ZNF804B: variants seen among roughly 807,000 people sequenced by gnomAD.
The protein encoded by ZNF804B is zinc finger protein 804B, also known as zinc finger 804B.
Under a neutral mutation model 101.4 loss-of-function variants are expected in ZNF804B, and 80 were observed. The ratio of observed to expected loss-of-function variants is 0.79; its 90% CI spans 0.66 to 0.95. ZNF804B has a LOEUF of 0.95. ZNF804B is among the 40% of genes least tolerant of loss of function. ZNF804B has a pLI of 0.00. For missense variants in ZNF804B, 1,673 were observed against 1,561.9 expected (o/e 1.07, Z -1.20); for synonymous variants, 622 against 558.8 (o/e 1.11, Z -1.59).
chr7:89,074,142 G>A (rs2116302198), intron 1 of ZNF804B, among the ~76,000 whole-genome samples: 1 of 152,296 alleles, frequency 6.6e-6, no homozygotes, highest in Admixed American at 6.5e-5. Context: ...ACCTCCTGGA[G>A]TGTTCATTTA....
chr7:88,847,535 C>T (rs187860583), intron 1 of ZNF804B, among the ~76,000 whole-genome samples: 1 of 151,954 alleles, frequency 6.6e-6, no homozygotes, highest in Admixed American at 6.6e-5. Flanking sequence ...CAGGTTTGAT[C>T]AGGAGAATCA....
chr7:88,786,353 C>A (rs1306171917), intron 1 of ZNF804B, among the ~76,000 whole-genome samples: 1 of 151,990 alleles, frequency 6.6e-6, no homozygotes, highest in Non-Finnish European at 1.5e-5. Context: ...ATATAATGGG[C>A]AATCAATAAA....
At chr7:89,239,145 A>T (rs1322918014) in intron 2 of ZNF804B, among the ~76,000 whole-genome samples, 14 of 152,126 alleles carry the variant, frequency 9.2e-5, no homozygotes, top group Admixed American at 9.2e-4. Flanking sequence ...ATCTTATAAG[A>T]GTGAGTACAA....
intron 1 of ZNF804B, among the ~76,000 whole-genome samples, chr7:89,020,434 G>A (rs1788648757): frequency 1.3e-5 from 2 of 152,078 alleles, no homozygotes; most frequent in Admixed American, 6.5e-5. Context: ...ATCTGTTAGT[G>A]TAATGGGGAT....
At chr7:89,131,134 T>G (rs1790540553) in intron 1 of ZNF804B, among the ~76,000 whole-genome samples, 1 of 152,020 alleles carries the variant, frequency 6.6e-6, no homozygotes, top group Admixed American at 6.6e-5. Context: ...AGATCTTTGA[T>G]TTGTGGGAAC....
At chr7:89,303,670 T>C (rs1449183686) in intron 2 of ZNF804B, among the ~76,000 whole-genome samples, 1 of 151,912 alleles carries the variant, frequency 6.6e-6, no homozygotes, top group Non-Finnish European at 1.5e-5. Flanking sequence ...TGGCATTATA[T>C]CTGACATGTG....
chr7:89,047,052 T>C (rs145692214), intron 1 of ZNF804B, among the ~76,000 whole-genome samples: 54 of 152,266 alleles, frequency 3.5e-4, no homozygotes, highest in African/African-American at 1.3e-3. Flanking sequence ...GCTGAATTTA[T>C]CCTTTGAGGG....
At chr7:89,309,486 G>T (rs908963565) in intron 2 of ZNF804B, among the ~76,000 whole-genome samples, 1 of 151,990 alleles carries the variant, frequency 6.6e-6, no homozygotes, top group African/African-American at 2.4e-5. Flanking sequence ...CAGAGGCCAG[G>T]CATGGTGGCT....
intron 1 of ZNF804B, among the ~76,000 whole-genome samples, chr7:88,877,508 T>G (rs1392806793): frequency 6.6e-6 from 1 of 152,142 alleles, no homozygotes; most frequent in Non-Finnish European, 1.5e-5. Flanking sequence ...AAATGGATAT[T>G]AAGGGAGTGT....
At chr7:89,027,312 G>A (rs1788766130) in intron 1 of ZNF804B, among the ~76,000 whole-genome samples, 1 of 152,090 alleles carries the variant, frequency 6.6e-6, no homozygotes, top group Non-Finnish European at 1.5e-5. Context: ...AGTCCTTAAA[G>A]CTAGCTCTCT....
chr7:88,790,176 G>T, intron 1 of ZNF804B, among the ~76,000 whole-genome samples: 1 of 151,990 alleles, frequency 6.6e-6, no homozygotes, highest in Non-Finnish European at 1.5e-5. Flanking sequence ...AATATTATAT[G>T]TTCACACTGT....
intron 1 of ZNF804B, among the ~76,000 whole-genome samples, chr7:88,912,090 A>G (rs886717521): frequency 2.8e-4 from 43 of 152,106 alleles, no homozygotes; most frequent in African/African-American, 9.1e-4. Flanking sequence ...TGTATAAGCA[A>G]CCACAAAAAC....
chr7:89,240,716 C>T lies in ZNF804B; in HGVS notation c.249+22421C>T, dbSNP rs180715471. ...TATCTTCATCTTCCTTGGCTCTCTA[C>T]ACTGAGTATAAATACTAGACCATAG... On this transcript the variant is annotated intron_variant, in intron 2 of 3. Coordinates refer to ENST00000333190, the MANE Select transcript of ZNF804B (RefSeq NM_181646.5). 1.9e-3 allele frequency among the ~76,000 whole-genome samples: 282 copies of T among 152,090 alleles called. 1 individual carries two copies. The highest frequency in any genetic ancestry group is 6.5e-3 in the African/African-American group (271 of 41,492).
chr7:89,256,373 G>A (rs1186632368), intron 2 of ZNF804B, among the ~76,000 whole-genome samples: 1 of 152,048 alleles, frequency 6.6e-6, no homozygotes, highest in Non-Finnish European at 1.5e-5. Context: ...GGGAAAAATA[G>A]CAAGGTGCTA....
At chr7:89,071,943 A>G (rs67192278) in intron 1 of ZNF804B, among the ~76,000 whole-genome samples, 53,089 of 151,998 alleles carry the variant, frequency 0.35, 9,923 homozygotes, top group East Asian at 0.52. Context: ...TTTCAGGGTG[A>G]TGACCTATCT....
intron 1 of ZNF804B, among the ~76,000 whole-genome samples, chr7:88,827,982 T>C (rs901814897): frequency 6.6e-6 from 1 of 152,160 alleles, no homozygotes; most frequent in African/African-American, 2.4e-5. Flanking sequence ...TCATCACATA[T>C]ACTTTTCCAA....
At chr7:89,225,845 T>C (rs777718127) in intron 2 of ZNF804B, among the ~76,000 whole-genome samples, 1 of 152,122 alleles carries the variant, frequency 6.6e-6, no homozygotes, top group African/African-American at 2.4e-5. Context: ...AAGCAAATGA[T>C]ATGACTAGAT....
At chr7:89,070,214 C>T (rs1377362184) in intron 1 of ZNF804B, among the ~76,000 whole-genome samples, 1 of 152,142 alleles carries the variant, frequency 6.6e-6, no homozygotes, top group African/African-American at 2.4e-5. Flanking sequence ...TAAATTATTT[C>T]AAGTACTATG....
intron 1 of ZNF804B, among the ~76,000 whole-genome samples, chr7:89,171,591 C>T (rs1007646433): frequency 1.3e-5 from 2 of 151,890 alleles, no homozygotes; most frequent in African/African-American, 4.8e-5. Context: ...TGTGCCACCA[C>T]ACCTGGCTAA....
Sources: gnomAD v4.1 joint callset for allele counts (sites outside exome capture counted in the v4.1 genomes callset) on GRCh38, gnomAD v4.1.1 for gene constraint, MANE v1.5 for transcripts, NCBI Gene and HGNC (gene_info 2026-07-23, HGNC 2026-07-21) for gene names.